Variants in SMOC2 observed in about 807,000 individuals in gnomAD.
SMOC2 encodes SPARC related modular calcium binding 2, also known as SPARC-related modular calcium-binding protein 2.
A neutral mutation model predicts 61.4 loss-of-function variants in SMOC2; 39 were observed. That is an observed-to-expected ratio of 0.64 (90% CI 0.49 to 0.83). The LOEUF (loss-of-function observed/expected upper bound fraction) is 0.83, where lower values mean the gene tolerates loss of function less well. Ranked by LOEUF, SMOC2 falls within the 40% of genes least tolerant of loss-of-function variation. The probability of loss-of-function intolerance (pLI) is 0.00; values close to 1 mark genes in which losing one functional copy is unlikely to be tolerated. For missense variants in SMOC2, 556 were observed against 592.9 expected (o/e 0.94, Z 0.65); for synonymous variants, 247 against 239.9 (o/e 1.03, Z -0.27).
intron 4 of SMOC2, among the ~76,000 whole-genome samples, chr6:168,531,983 T>G (rs1783615272): frequency 6.6e-6 from 1 of 152,146 alleles, no homozygotes; most frequent in African/African-American, 2.4e-5. Flanking sequence ...GTGTGGTGCC[T>G]TGGATATGGC....
At chr6:168,610,299 G>A (rs570488379) in intron 9 of SMOC2, among the ~76,000 whole-genome samples, 2 of 152,208 alleles carry the variant, frequency 1.3e-5, no homozygotes, top group Non-Finnish European at 2.9e-5. Flanking sequence ...TCAAAGCCAC[G>A]TGACGCAAAC....
Position 168,574,022 on chromosome 6 carries a change from A to G in SMOC2, c.638-24796A>G, listed in dbSNP as rs1562356913. Among the ~76,000 whole-genome samples, 5 of 152,086 alleles carry G rather than the reference A, an allele frequency of 3.3e-5. No individual in the cohort carries two copies. The South Asian group carries it at 6.2e-4, about 19-fold the overall frequency. ...GGTGGACCCGGGCCTTGCGCCCACCACAGGGGCTGACTGGGAAGAATGTCT... is the reference window on the plus strand; with the variant it reads ...GGTGGACCCGGGCCTTGCGCCCACCGCAGGGGCTGACTGGGAAGAATGTCT... On this transcript the variant is annotated intron_variant, in intron 7 of 12. Coordinates refer to ENST00000356284, the MANE Select transcript of SMOC2 (RefSeq NM_001166412.2).
At chr6:168,583,095 C>T (rs1172783743) in intron 7 of SMOC2, among the ~76,000 whole-genome samples, 1 of 152,216 alleles carries the variant, frequency 6.6e-6, no homozygotes, top group African/African-American at 2.4e-5. Context: ...GAAAAGTTAC[C>T]ATTGCTTGCT....
intron 2 of SMOC2, among the ~76,000 whole-genome samples, chr6:168,522,278 G>A (rs1263795712): frequency 6.6e-6 from 1 of 152,202 alleles, no homozygotes; most frequent in Non-Finnish European, 1.5e-5. Context: ...GTGGCAGACA[G>A]CAGGCACTCC....
At chr6:168,447,069 A>G (rs1781347632) in intron 1 of SMOC2, among the ~76,000 whole-genome samples, 2 of 151,780 alleles carry the variant, frequency 1.3e-5, no homozygotes, top group South Asian at 2.1e-4. Flanking sequence ...GTGGTCATCT[A>G]TTTGTTTTCT....
rs369475966 is a variant in SMOC2, at chr6:168,623,919, G to A, written c.907+15680G>A. On this transcript the variant is annotated intron_variant, in intron 9 of 12. Transcript: ENST00000356284. ...GCTGTGGGGATGGCAGAGGAAGGGA[G>A]GAGGGAGAGAGGCGCGCTCACCTGC... Among the ~76,000 whole-genome samples, 214 of 152,316 alleles carry A rather than the reference G, an allele frequency of 1.4e-3. 6 individuals carry two copies. In the Middle Eastern group the frequency reaches 0.017, roughly 12 times the overall value.
intron 2 of SMOC2, among the ~76,000 whole-genome samples, chr6:168,511,515 T>C (rs898307349): frequency 4.6e-5 from 7 of 152,120 alleles, no homozygotes; most frequent in Non-Finnish European, 7.4e-5. Context: ...CCATGACACG[T>C]GGGGAACTAC....
At chr6:168,470,885 A>G (rs1412206583) in intron 1 of SMOC2, among the ~76,000 whole-genome samples, 1 of 152,178 alleles carries the variant, frequency 6.6e-6, no homozygotes, top group Non-Finnish European at 1.5e-5. Flanking sequence ...TGATAATTAA[A>G]GAGAAGTATA....
At chr6:168,644,152 G>C (rs1391915534) in intron 9 of SMOC2, among the ~76,000 whole-genome samples, 1 of 152,214 alleles carries the variant, frequency 6.6e-6, no homozygotes, top group Non-Finnish European at 1.5e-5. Flanking sequence ...ATTTAAAGCG[G>C]AGTTTTCAAA....
intron 1 of SMOC2, among the ~76,000 whole-genome samples, chr6:168,499,875 C>G (rs1430376658): frequency 6.6e-6 from 1 of 152,136 alleles, no homozygotes; most frequent in Non-Finnish European, 1.5e-5. Flanking sequence ...CCATGTTCTT[C>G]TCCGCACAAT....
At chr6:168,563,777 A>G (rs1053001710) in intron 7 of SMOC2, among the ~76,000 whole-genome samples, 6 of 152,304 alleles carry the variant, frequency 3.9e-5, no homozygotes, top group East Asian at 1.9e-4. Flanking sequence ...TAGCCTCTCA[A>G]CTGTGACAAA....
At chr6:168,616,955 G>A (rs1428418839) in intron 9 of SMOC2, among the ~76,000 whole-genome samples, 1 of 152,224 alleles carries the variant, frequency 6.6e-6, no homozygotes, top group Non-Finnish European at 1.5e-5. Context: ...GGACACAGGT[G>A]AAGTGAGCGT....
chr6:168,501,083 G>A (rs1268426842), intron 1 of SMOC2, among the ~76,000 whole-genome samples: 2 of 152,116 alleles, frequency 1.3e-5, no homozygotes, highest in South Asian at 2.1e-4. Context: ...AATCGTGGCC[G>A]GATGCTAAGG....
At chr6:168,520,013 T>A (rs1226341840) in intron 2 of SMOC2, among the ~76,000 whole-genome samples, 1 of 152,166 alleles carries the variant, frequency 6.6e-6, no homozygotes, top group Non-Finnish European at 1.5e-5. Flanking sequence ...GTCGTTCCTG[T>A]CTCCCTTAGC....
rs1003757576 is a variant in SMOC2, at chr6:168,441,345, C to T, written c.-26C>T. The stretch of plus-strand genomic sequence containing the variant: ...TGCCAGGGCGCAGGACGCGGCCGAT[C>T]TCCCGCTCCCGCCACCTCCGCCACC... On this transcript the variant is annotated 5_prime_UTR_variant, in exon 1 of 13. Coordinates refer to ENST00000356284, the MANE Select transcript of SMOC2 (RefSeq NM_001166412.2). 1.8e-5 allele frequency: 27 copies of T among 1,498,682 alleles called. No individual in the cohort carries two copies. In the Admixed American group the frequency reaches 5.1e-4, roughly 28 times the overall value. The allele number at this position is 1,498,682 out of a possible 1,614,324, so 92.8% of individuals were successfully genotyped here.
intron 7 of SMOC2, among the ~76,000 whole-genome samples, chr6:168,562,382 C>T (rs531384929): frequency 6.7e-5 from 8 of 119,490 alleles, no homozygotes; most frequent in Non-Finnish European, 1.3e-4. Context: ...AGACACAAGG[C>T]TCTCACTGCA....
In SMOC2 at chr6:168,650,793, G is replaced by GT; in HGVS notation, c.1010+12dup. On this transcript the variant is annotated intron_variant, in intron 10 of 12. Transcript: ENST00000356284. The stretch of plus-strand genomic sequence containing the variant: ...CCTCCTCGTCAGGCAGGTACGCTGT[G>GT]TTCGCCGTGGGACAACAAGTTGGCA... 6.2e-7 allele frequency: 1 copy of GT among 1,605,206 alleles called. No homozygotes were observed. The highest frequency in any genetic ancestry group is 2.2e-5 in the East Asian group (1 of 44,716).
At chr6:168,632,555 C>T (rs979264577) in intron 9 of SMOC2, among the ~76,000 whole-genome samples, 9 of 152,158 alleles carry the variant, frequency 5.9e-5, no homozygotes, top group Non-Finnish European at 1.2e-4. Flanking sequence ...CGTACACAAC[C>T]CAGGTGCATG....
rs551376296 is a variant in SMOC2, at chr6:168,512,829, G to T, written c.256+2743G>T. 5.4e-3 allele frequency among the ~76,000 whole-genome samples: 817 copies of T among 152,306 alleles called. 3 individuals carry two copies. The highest frequency in any genetic ancestry group is 7.2e-3 in the Non-Finnish European group (490 of 68,032). Reference sequence around the variant, plus strand: ...CTTCTAGAAACAGCTAACATCTGGTGATGATGCCACACATTGACCCTCCAG... The same window carrying T: ...CTTCTAGAAACAGCTAACATCTGGTTATGATGCCACACATTGACCCTCCAG... On this transcript the variant is annotated intron_variant, in intron 2 of 12. Transcript: ENST00000356284.
Sources: gnomAD v4.1 joint callset for allele counts (sites outside exome capture counted in the v4.1 genomes callset) on GRCh38, gnomAD v4.1.1 for gene constraint, MANE v1.5 for transcripts, NCBI Gene and HGNC (gene_info 2026-07-23, HGNC 2026-07-21) for gene names.